The following LGSN variants were observed in gnomAD, a reference collection of about 807,000 sequenced individuals.
LGSN encodes the protein lengsin, lens protein with glutamine synthetase domain, also known as lengsin.
LGSN carries 21 observed loss-of-function variants against 19.5 expected under a neutral mutation model. The ratio of observed to expected loss-of-function variants is 1.07; its 90% CI spans 0.76 to 1.55. LGSN has a LOEUF of 1.55. LGSN is among the 40% of genes most tolerant of loss of function. LGSN has a pLI of 0.00. For synonymous variants in LGSN, 257 were observed against 215.6 expected, an observed-to-expected ratio of 1.19 and a Z score of -1.68; for missense variants, 673 against 608.5, an observed-to-expected ratio of 1.11 and a Z score of -1.12.
At chr6:63,561,228 C>A in the LGSN span, among the ~76,000 whole-genome samples, 1 of 152,154 alleles carries the variant, frequency 6.6e-6, no homozygotes, top group Non-Finnish European at 1.5e-5. Context: ...TCACATAATA[C>A]TTGTATGACC....
chr6:63,534,093 T>C, the LGSN span, among the ~76,000 whole-genome samples: 1 of 152,164 alleles, frequency 6.6e-6, no homozygotes, highest in East Asian at 1.9e-4. Context: ...TCTGCCCACC[T>C]TGACCTATCA....
chr6:63,572,079 G>A, the LGSN span: 2 of 152,290 alleles, frequency 1.3e-5, no homozygotes, highest in Non-Finnish European at 2.9e-5. Context: ...GCCCTAGAAG[G>A]ATTGCATTTT....
the LGSN span, among the ~76,000 whole-genome samples, chr6:63,367,510 A>T: frequency 6.6e-6 from 1 of 152,072 alleles, no homozygotes; most frequent in African/African-American, 2.4e-5. Context: ...AAACTAGTTC[A>T]ACCATTGTGG....
chr6:63,410,665 A>G, the LGSN span, among the ~76,000 whole-genome samples: 11 of 152,316 alleles, frequency 7.2e-5, no homozygotes, highest in East Asian at 1.7e-3. Context: ...TTGGAACCAT[A>G]AAGTGCAATG....
the LGSN span, among the ~76,000 whole-genome samples, chr6:63,555,736 C>T: frequency 1.3e-5 from 2 of 150,994 alleles, no homozygotes; most frequent in African/African-American, 4.9e-5. Flanking sequence ...CTCTGTCACC[C>T]AGCCTGGAGT....
the LGSN span, among the ~76,000 whole-genome samples, chr6:63,505,637 T>TAAA: frequency 2.4e-5 from 2 of 82,630 alleles, no homozygotes; most frequent in African/African-American, 4.6e-5. Flanking sequence ...AAGAAAGAAA[T>TAAA]TCTGGCATTC....
At chr6:63,490,250 G>A in the LGSN span, among the ~76,000 whole-genome samples, 1 of 152,062 alleles carries the variant, frequency 6.6e-6, no homozygotes, top group Non-Finnish European at 1.5e-5. Context: ...CTGTTTTCAG[G>A]TCATCCGTGT....
At chr6:63,311,875 G>A (rs1439404469) in intron 1 of LGSN, among the ~76,000 whole-genome samples, 1 of 151,920 alleles carries the variant, frequency 6.6e-6, no homozygotes, top group East Asian at 1.9e-4. Context: ...TTTATTCTTT[G>A]ACCAACATCT....
At chr6:63,418,555 G>A in the LGSN span, among the ~76,000 whole-genome samples, 1,246 of 152,136 alleles carry the variant, frequency 8.2e-3, 13 homozygotes, top group South Asian at 0.025. Context: ...GCGAGACTCC[G>A]TCTCAAATAA....
rs1475737077 is a variant in LGSN at position 63,276,586 on chromosome 6, A to G, written c.*3435T>C. On this transcript the variant is annotated 3_prime_UTR_variant, in exon 4 of 4. Transcript: ENST00000370657. ...ATTTATAAGGCACCCTTTTCGAGCC[A>G]TAAAGAAGCTTTCCAAATAGCTTTT... The G allele has an allele frequency of 1.1e-4, 17 of 152,220 alleles. No homozygotes were observed. The highest frequency in any genetic ancestry group is 3.4e-4 in the African/African-American group (14 of 41,460). The allele number at this position is 152,220 out of a possible 1,614,324, so 9.4% of individuals were successfully genotyped here.
At chr6:63,365,010 A>T in the LGSN span, among the ~76,000 whole-genome samples, 1 of 152,318 alleles carries the variant, frequency 6.6e-6, no homozygotes, top group East Asian at 1.9e-4. Context: ...ACACCCTAAC[A>T]TCACAATTAA....
chr6:63,475,338 A>T, the LGSN span, among the ~76,000 whole-genome samples: 1 of 146,940 alleles, frequency 6.8e-6, no homozygotes, highest in East Asian at 2.0e-4. Flanking sequence ...AAAAAAAGAC[A>T]CCCAATTGCC....
At chr6:63,341,360 G>A in the LGSN span, among the ~76,000 whole-genome samples, 1 of 152,214 alleles carries the variant, frequency 6.6e-6, no homozygotes, top group African/African-American at 2.4e-5. Context: ...TGTAGGCACT[G>A]GCAGTGGTGG....
the LGSN span, among the ~76,000 whole-genome samples, chr6:63,333,539 G>A: frequency 4.0e-5 from 5 of 124,992 alleles, no homozygotes; most frequent in African/African-American, 1.6e-4. Context: ...ATGAAAGAAC[G>A]AAAGAAAGAA....
At chr6:63,349,221 T>C in the LGSN span, among the ~76,000 whole-genome samples, 2 of 152,188 alleles carry the variant, frequency 1.3e-5, no homozygotes, top group Non-Finnish European at 2.9e-5. Flanking sequence ...AGTAAGATAA[T>C]AAACTTAATC....
the LGSN span, among the ~76,000 whole-genome samples, chr6:63,546,189 G>A: frequency 6.6e-6 from 1 of 152,166 alleles, no homozygotes; most frequent in Admixed American, 6.5e-5. Context: ...ACACACACAG[G>A]AATACAATTT....
chr6:63,459,135 A>G, the LGSN span, among the ~76,000 whole-genome samples: 1 of 152,224 alleles, frequency 6.6e-6, no homozygotes, highest in African/African-American at 2.4e-5. Flanking sequence ...AATGTCAACA[A>G]TGTTTCCATT....
chr6:63,412,522 GA>G, the LGSN span, among the ~76,000 whole-genome samples: 2,121 of 95,194 alleles, frequency 0.022, 23 homozygotes, highest in Non-Finnish European at 0.03. Flanking sequence ...AAGAAAGAAA[GA>G]AAGAAGGAAA....
At chr6:63,421,157 C>T in the LGSN span, among the ~76,000 whole-genome samples, 3 of 152,128 alleles carry the variant, frequency 2.0e-5, no homozygotes, top group Non-Finnish European at 2.9e-5. Flanking sequence ...CACAGTGGCT[C>T]GTGCCTGTAA....
Sources: gnomAD v4.1 joint callset for allele counts (sites outside exome capture counted in the v4.1 genomes callset) on GRCh38, gnomAD v4.1.1 for gene constraint, MANE v1.5 for transcripts, NCBI Gene and HGNC (gene_info 2026-07-23, HGNC 2026-07-21) for gene names.